NRXN1: variants seen among roughly 807,000 people sequenced by gnomAD.
NRXN1 encodes the protein neurexin-1.
A neutral mutation model predicts 150.9 loss-of-function variants in NRXN1; 39 were observed. That is an observed-to-expected ratio of 0.26 (90% CI 0.20 to 0.34). The LOEUF is 0.34. Among genes scored for constraint, NRXN1 ranks in the 10% least tolerant of loss-of-function variants. The probability of loss-of-function intolerance (pLI) is 1.00; values close to 1 mark genes in which losing one functional copy is unlikely to be tolerated. For synonymous variants in NRXN1, 924 were observed against 757.0 expected (o/e 1.22, Z -3.62); for missense variants, 1,815 against 1,949.9 (o/e 0.93, Z 1.30).
chr2:50,407,705 T>C (rs933593943), intron 17 of NRXN1, among the ~76,000 whole-genome samples: 4 of 151,986 alleles, frequency 2.6e-5, no homozygotes, highest in Admixed American at 2.0e-4. Context: ...CATCATGTGA[T>C]GCCCTGCACC....
At chr2:50,462,941 G>T (rs1157424332) in intron 17 of NRXN1, among the ~76,000 whole-genome samples, 1 of 151,756 alleles carries the variant, frequency 6.6e-6, no homozygotes, top group African/African-American at 2.4e-5. Context: ...CATTTGTAAT[G>T]TGGCATGTTC....
At chr2:51,023,059 T>C (rs986194145) in intron 2 of NRXN1, among the ~76,000 whole-genome samples, 2 of 152,192 alleles carry the variant, frequency 1.3e-5, no homozygotes, top group Non-Finnish European at 2.9e-5. Context: ...ACCAAACCCA[T>C]GATGACTTTA....
intron 21 of NRXN1, among the ~76,000 whole-genome samples, chr2:49,975,789 C>A (rs1678862161): frequency 6.6e-6 from 1 of 152,030 alleles, no homozygotes; most frequent in East Asian, 1.9e-4. Flanking sequence ...AACTAGAAAC[C>A]ACCTTAATCA....
intron 17 of NRXN1, among the ~76,000 whole-genome samples, chr2:50,414,294 C>T (rs990382201): frequency 6.6e-6 from 1 of 151,862 alleles, no homozygotes; most frequent in African/African-American, 2.4e-5. Flanking sequence ...TATCTTTACG[C>T]CATAAATATA....
At chr2:50,119,501 G>A (rs1703550198) in intron 18 of NRXN1, among the ~76,000 whole-genome samples, 1 of 151,520 alleles carries the variant, frequency 6.6e-6, no homozygotes, top group Admixed American at 6.6e-5. Flanking sequence ...CCGCGGCAGG[G>A]ATTAGGGAGA....
chr2:50,419,682 A>G (rs34001590), intron 17 of NRXN1, among the ~76,000 whole-genome samples: 160 of 151,978 alleles, frequency 1.1e-3, no homozygotes, highest in Non-Finnish European at 1.8e-3. Flanking sequence ...CATACATACA[A>G]TAGTTTGAGT....
chr2:50,659,173 C>T (rs982201547), intron 5 of NRXN1, among the ~76,000 whole-genome samples: 5 of 152,160 alleles, frequency 3.3e-5, no homozygotes, highest in Non-Finnish European at 7.4e-5. Context: ...GCATCAATGA[C>T]ACATTGCCTC....
intron 5 of NRXN1, among the ~76,000 whole-genome samples, chr2:50,853,495 T>C (rs764839605): frequency 4.6e-5 from 7 of 152,118 alleles, no homozygotes; most frequent in Admixed American, 2.6e-4. Flanking sequence ...TTAGAAGAGA[T>C]AGTACTGGAA....
chr2:50,133,296 T>C (rs1705836118), intron 18 of NRXN1, among the ~76,000 whole-genome samples: 1 of 108,994 alleles, frequency 9.2e-6, no homozygotes, highest in African/African-American at 3.2e-5. Flanking sequence ...GAAATGGGCG[T>C]AAGTACAGCC....
chr2:50,258,718 C>G (rs564095027), intron 17 of NRXN1, among the ~76,000 whole-genome samples: 1 of 151,972 alleles, frequency 6.6e-6, no homozygotes, highest in Non-Finnish European at 1.5e-5. Context: ...GAATCACTAT[C>G]TATGGCAGTT....
intron 21 of NRXN1, among the ~76,000 whole-genome samples, chr2:49,977,393 T>G (rs1324965812): frequency 6.6e-6 from 1 of 152,200 alleles, no homozygotes; most frequent in African/African-American, 2.4e-5. Flanking sequence ...CATTCTATAA[T>G]GTACAGGACA....
At chr2:50,429,132 A>G (rs138281490) in intron 17 of NRXN1, among the ~76,000 whole-genome samples, 195 of 152,324 alleles carry the variant, frequency 1.3e-3, no homozygotes, top group African/African-American at 4.5e-3. Flanking sequence ...AGTAGTCATA[A>G]TAATGGGAAT....
At chr2:50,953,156 A>G (rs1691675855) in intron 2 of NRXN1, among the ~76,000 whole-genome samples, 2 of 152,330 alleles carry the variant, frequency 1.3e-5, no homozygotes, top group South Asian at 4.1e-4. Flanking sequence ...CAATAGGATG[A>G]GTATAGACCC....
rs1339877882 is a variant in NRXN1, at chr2:50,210,813, ATAT to A, written c.3546+25973_3546+25975del. 7.9e-5 allele frequency among the ~76,000 whole-genome samples: 12 copies of A among 151,630 alleles called. No homozygotes were observed. In the East Asian group the frequency reaches 9.7e-4, roughly 12 times the overall value. ...AAACTATAATTTTATTGATATTTAT[ATAT>A]TATTATATGTTTATATCAAGATCTT... is the stretch of plus-strand genomic sequence containing the variant. On this transcript the variant is annotated intron_variant, in intron 18 of 22. Transcript: ENST00000401669.
At chr2:50,373,674 G>GAAAGAAAGAAAGA (rs1553513390) in intron 17 of NRXN1, among the ~76,000 whole-genome samples, 18 of 99,144 alleles carry the variant, frequency 1.8e-4, no homozygotes, top group African/African-American at 8.1e-4. Flanking sequence ...AAGAAAGAAA[G>GAAAGAAAGAAAGA]AAAGAAAAGA....
intron 5 of NRXN1, among the ~76,000 whole-genome samples, chr2:50,708,892 C>A (rs906193571): frequency 6.6e-6 from 1 of 152,144 alleles, no homozygotes; most frequent in Non-Finnish European, 1.5e-5. Context: ...GTGTGAGCTT[C>A]CAGCCATAGC....
chr2:50,999,389 G>T (rs937783), intron 2 of NRXN1, among the ~76,000 whole-genome samples: 1 of 151,926 alleles, frequency 6.6e-6, no homozygotes. Context: ...CAAATAATCA[G>T]GAATGAAGGT....
intron 21 of NRXN1, chr2:49,966,729 A>C (rs1677031513): frequency 6.6e-6 from 1 of 152,148 alleles, no homozygotes; most frequent in Admixed American, 6.5e-5. Flanking sequence ...TCCAAAGAGT[A>C]ATCTGTTCAC....
intron 18 of NRXN1, among the ~76,000 whole-genome samples, chr2:50,143,434 C>G (rs1039428595): frequency 6.6e-6 from 1 of 151,890 alleles, no homozygotes; most frequent in Non-Finnish European, 1.5e-5. Context: ...TTTAGAGACA[C>G]TCTTGGCTGG....
Sources: gnomAD v4.1 joint callset for allele counts (sites outside exome capture counted in the v4.1 genomes callset) on GRCh38, gnomAD v4.1.1 for gene constraint, MANE v1.5 for transcripts, NCBI Gene and HGNC (gene_info 2026-07-23, HGNC 2026-07-21) for gene names.